The following CSNK1A1 variants were observed in gnomAD, a reference collection of about 807,000 sequenced individuals.
CSNK1A1 encodes casein kinase 1 alpha 1, also known as casein kinase I isoform alpha.
In CSNK1A1, 7 loss-of-function variants were observed where a neutral mutation model predicts 46.1. That is an observed-to-expected ratio of 0.15 (90% CI 0.09 to 0.29). The LOEUF is 0.29. Among genes scored for constraint, CSNK1A1 ranks in the 10% least tolerant of loss-of-function variants. CSNK1A1 has a pLI of 1.00. For synonymous variants in CSNK1A1, 137 were observed against 141.5 expected (o/e 0.97, Z 0.23); for missense variants, 96 against 417.1 (o/e 0.23, Z 6.71).
chr5:149,526,048 A>G (rs988940608), intron 2 of CSNK1A1, among the ~76,000 whole-genome samples: 7 of 152,212 alleles, frequency 4.6e-5, no homozygotes, highest in Middle Eastern at 3.2e-3. Context: ...AAAATTTACC[A>G]TATCTGGAAA....
chr5:149,537,656 CT>C (rs1762101443), intron 2 of CSNK1A1, among the ~76,000 whole-genome samples: 1 of 151,162 alleles, frequency 6.6e-6, no homozygotes, highest in African/African-American at 2.5e-5. Flanking sequence ...AAACAAAAAT[CT>C]GATGGTAGAG....
Position 149,496,092 on chromosome 5 carries a change from T to C in CSNK1A1, c.*761A>G, listed in dbSNP as rs1029390757. ...TAGATGTTTACAGTGATTACATTTA[T>C]CTAAGCAACATACATACATGTTCAG... is the stretch of plus-strand genomic sequence containing the variant. On this transcript the variant is annotated 3_prime_UTR_variant, in exon 10 of 10. Coordinates refer to ENST00000377843, the MANE Select transcript of CSNK1A1 (RefSeq NM_001892.6). The C allele has an allele frequency of 3.3e-5, 5 of 152,646 alleles. No homozygotes were observed. The highest frequency in any genetic ancestry group is 1.2e-4 in the African/African-American group (5 of 41,452). The allele number at this position is 152,646 out of a possible 1,614,324, so 9.5% of individuals were successfully genotyped here. A position where few individuals can be genotyped will look rare whatever the true frequency, so the allele number is the denominator to read the frequency against.
At chr5:149,523,400 G>GCTCAGGCTCTAT (rs1761633821) in intron 3 of CSNK1A1, among the ~76,000 whole-genome samples, 1 of 152,204 alleles carries the variant, frequency 6.6e-6, no homozygotes, top group South Asian at 2.1e-4. Context: ...TCAGGCTGGA[G>GCTCAGGCTCTAT]TGCAGTGGCA....
intron 8 of CSNK1A1, among the ~76,000 whole-genome samples, chr5:149,506,361 C>T (rs1018809047): frequency 1.3e-5 from 2 of 151,926 alleles, no homozygotes; most frequent in Admixed American, 6.6e-5. Flanking sequence ...CTCAGCCTCC[C>T]GAGTCGCTGG....
intron 2 of CSNK1A1, among the ~76,000 whole-genome samples, chr5:149,549,097 C>T (rs1459153443): frequency 6.6e-6 from 1 of 152,178 alleles, no homozygotes; most frequent in East Asian, 1.9e-4. Context: ...TATTTGCACT[C>T]ACCAATATTC....
chr5:149,519,301 CA>C (rs1761493340), intron 4 of CSNK1A1, among the ~76,000 whole-genome samples: 1 of 151,862 alleles, frequency 6.6e-6, no homozygotes, highest in Admixed American at 6.6e-5. Context: ...CTAAAAACAC[CA>C]AACATTTCCT....
chr5:149,502,097 A>G, intron 9 of CSNK1A1: 1 of 983,562 alleles, frequency 1.0e-6, no homozygotes, highest in Non-Finnish European at 1.2e-6. Flanking sequence ...CATTAGCTAG[A>G]TAAGCCAGAC....
chr5:149,541,813 TA>T (rs1345245685), intron 2 of CSNK1A1, among the ~76,000 whole-genome samples: 2 of 151,030 alleles, frequency 1.3e-5, no homozygotes, highest in East Asian at 3.9e-4. Flanking sequence ...TCATCTCTAC[TA>T]AAAAAAATTA....
At chr5:149,544,622 T>C (rs1762404790) in intron 2 of CSNK1A1, among the ~76,000 whole-genome samples, 1 of 151,048 alleles carries the variant, frequency 6.6e-6, no homozygotes, top group African/African-American at 2.4e-5. Context: ...CAAAAGGGGC[T>C]TGAAATGCAC....
At position 149,506,202 on chromosome 5, in the gene CSNK1A1, T is replaced by C. The variant is rs192753717; in HGVS notation, c.858-607A>G. 3.0e-3 allele frequency among the ~76,000 whole-genome samples: 448 copies of C among 150,754 alleles called. 3 individuals carry two copies. The highest frequency in any genetic ancestry group is 0.011 in the African/African-American group (438 of 41,004). ...TCGGCCTCCCAAAGTGCTAGGATTA[T>C]AGGTGTGAGCCATTGCACCTGGCAG... On this transcript the variant is annotated intron_variant, in intron 8 of 9. Coordinates refer to ENST00000377843, the MANE Select transcript of CSNK1A1 (RefSeq NM_001892.6).
At chr5:149,526,730 G>A (rs1761735326) in intron 2 of CSNK1A1, among the ~76,000 whole-genome samples, 1 of 152,060 alleles carries the variant, frequency 6.6e-6, no homozygotes, top group Non-Finnish European at 1.5e-5. Flanking sequence ...ATTAACCCTT[G>A]ATGGCATCTA....
At chr5:149,544,276 C>T (rs760420340) in intron 2 of CSNK1A1, among the ~76,000 whole-genome samples, 29 of 152,270 alleles carry the variant, frequency 1.9e-4, no homozygotes, top group Non-Finnish European at 4.3e-4. Flanking sequence ...AAGGAACTGA[C>T]TGACTGTAGA....
In CSNK1A1 at chr5:149,525,225, C is replaced by T. The variant is rs1761689944; in HGVS notation, c.231-54G>A. The stretch of plus-strand genomic sequence containing the variant: ...ATTACAAAAAGCTATTACTTAATAT[C>T]ATCAACCCTAAGAATAATATAGTTT... On this transcript the variant is annotated intron_variant, in intron 2 of 9. Coordinates refer to ENST00000377843, the MANE Select transcript of CSNK1A1 (RefSeq NM_001892.6). The surrounding 1 kb of genome is among the most constrained non-coding windows in gnomAD (Gnocchi z 4.2). 6.8e-7 allele frequency: 1 copy of T among 1,479,414 alleles called. No homozygotes were observed. Among genetic ancestry groups the T allele is most frequent in the Non-Finnish European group, 9.0e-7 (1 of 1,106,734 alleles). 91.6% of individuals were successfully genotyped at this position (1,479,414 alleles called of 1,614,324 possible).
intron 7 of CSNK1A1, among the ~76,000 whole-genome samples, chr5:149,507,360 C>A (rs1761066053): frequency 6.6e-6 from 1 of 152,086 alleles, no homozygotes; most frequent in Non-Finnish European, 1.5e-5. Flanking sequence ...TACATATGTT[C>A]TTCCCATATA....
At chr5:149,502,985 C>T (rs994039813) in intron 9 of CSNK1A1, 51 of 833,182 alleles carry the variant, frequency 6.1e-5, no homozygotes, top group Non-Finnish European at 6.1e-5. Context: ...GCCAGACTCT[C>T]GAACTCCTGG....
rs543648514 is a variant in CSNK1A1, at chr5:149,512,606, T to C, written c.596+464A>G. On this transcript the variant is annotated intron_variant, in intron 5 of 9. Transcript: ENST00000377843. ...ACTTTTTTTACTTTAAACTAGATCC[T>C]ATTAATTTATATATTTGAGTGAAGT... is the stretch of plus-strand genomic sequence containing the variant. Among the ~76,000 whole-genome samples the C allele has an allele frequency of 5.3e-5, 8 of 152,344 alleles. No homozygotes were observed. The South Asian group carries it at 1.7e-3, about 32-fold the overall frequency.
chr5:149,517,525 C>T lies in CSNK1A1; in HGVS notation c.456+2765G>A, dbSNP rs1761439102. ...TTCAGTACTAGACCAACATCATTTC[C>T]TCATATGTATGTTAGAGAGCTAAAC... On this transcript the variant is annotated intron_variant, in intron 4 of 9. Transcript: ENST00000377843. This position sits in a 1 kb window ranked among gnomAD's most constrained non-coding sequence, Gnocchi z 4.4. 6.6e-6 allele frequency among the ~76,000 whole-genome samples: 1 copy of T among 152,148 alleles called. No homozygotes were observed.
chr5:149,499,215 G>A, intron 9 of CSNK1A1: 2 of 982,596 alleles, frequency 2.0e-6, no homozygotes, highest in Non-Finnish European at 2.4e-6. Context: ...AGATTAGGTG[G>A]CTCATCCAGG....
chr5:149,505,642 C>G, intron 8 of CSNK1A1, 47 bp from the exon 9 acceptor site: 1 of 1,525,116 alleles, frequency 6.6e-7, no homozygotes, highest in African/African-American at 1.4e-5. Flanking sequence ...TAACAGAGTC[C>G]AGTTATATAA....
Sources: gnomAD v4.1 joint callset for allele counts (sites outside exome capture counted in the v4.1 genomes callset) on GRCh38, gnomAD v4.1.1 for gene constraint, Gnocchi (gnomAD v3.1) non-coding constraint, MANE v1.5 for transcripts, NCBI Gene and HGNC (gene_info 2026-07-23, HGNC 2026-07-21) for gene names.